The following VRK2 variants were observed in gnomAD, a reference collection of about 807,000 sequenced individuals.
VRK2 encodes serine/threonine-protein kinase VRK2.
A neutral mutation model predicts 57.6 loss-of-function variants in VRK2; 60 were observed. The ratio of observed to expected loss-of-function variants is 1.04; its 90% confidence interval spans 0.85 to 1.29. The LOEUF is 1.29. Ranked by LOEUF, VRK2 falls within the 50% of genes most tolerant of loss-of-function variation. The pLI is 0.00. For synonymous variants in VRK2, 231 were observed against 199.2 expected (o/e 1.16, Z -1.35); for missense variants, 705 against 588.1 (o/e 1.20, Z -2.06).
chr2:58,043,892 T>C (rs1314895517), upstream of VRK2, among the ~76,000 whole-genome samples: 1 of 152,236 alleles, frequency 6.6e-6, no homozygotes, highest in Non-Finnish European at 1.5e-5. Context: ...TTAGTATTTT[T>C]TGAAAAGCAA....
intron 1 of VRK2, among the ~76,000 whole-genome samples, chr2:57,959,700 T>C (rs916851406): frequency 6.6e-6 from 1 of 152,156 alleles, no homozygotes; most frequent in South Asian, 2.1e-4. Context: ...TAATTAACCC[T>C]TGGAAAATAC....
chr2:58,082,943 CAT>C (rs1018110472), intron 2 of VRK2, among the ~76,000 whole-genome samples: 18 of 151,540 alleles, frequency 1.2e-4, no homozygotes, highest in East Asian at 3.9e-4. Context: ...AAATTTGTGA[CAT>C]ATTTATATCT....
chr2:57,916,370 C>A (rs1425025611), intron 1 of VRK2, among the ~76,000 whole-genome samples: 2 of 147,668 alleles, frequency 1.4e-5, no homozygotes, highest in Non-Finnish European at 3.0e-5. Context: ...CGTGCCATTG[C>A]ACTCCAGCCT....
chr2:58,153,385 C>T (rs755861276), intron 12 of VRK2, among the ~76,000 whole-genome samples: 2 of 151,926 alleles, frequency 1.3e-5, no homozygotes, highest in African/African-American at 4.8e-5. Context: ...GAGGAAGCTC[C>T]CCTCCATTTC....
chr2:57,957,152 T>A (rs1049169953), intron 1 of VRK2, among the ~76,000 whole-genome samples: 1 of 152,318 alleles, frequency 6.6e-6, no homozygotes, highest in East Asian at 1.9e-4. Flanking sequence ...GATAGTCTTT[T>A]ATAATTGAAG....
At chr2:58,102,390 G>T (rs914522509) in intron 7 of VRK2, among the ~76,000 whole-genome samples, 2 of 150,414 alleles carry the variant, frequency 1.3e-5, no homozygotes, top group Admixed American at 6.6e-5. Flanking sequence ...ATAGATTGAA[G>T]GCCAAGGGAT....
rs72945378 is a variant in VRK2, at chr2:57,933,840, T to C, written c.-439+26001T>C. 5.2e-3 allele frequency among the ~76,000 whole-genome samples: 787 copies of C among 152,312 alleles called. 13 individuals carry two copies. Among genetic ancestry groups the C allele is most frequent in the African/African-American group, 0.018 (755 of 41,564 alleles). ...TCCTCTCGCTGTCTTCCTTTGTGAT[T>C]TGATAATTTTCTTTAGTGCAATCCT... On this transcript the variant is annotated intron_variant, in intron 1 of 15. Coordinates refer to the VRK2 transcript ENST00000417641.
intron 7 of VRK2, among the ~76,000 whole-genome samples, chr2:58,113,029 G>T (rs1048428435): frequency 6.6e-6 from 1 of 152,140 alleles, no homozygotes; most frequent in Non-Finnish European, 1.5e-5. Flanking sequence ...TGCATTTCTA[G>T]GCCAGGCACA....
At chr2:57,933,470 G>C (rs2717021) in intron 1 of VRK2, among the ~76,000 whole-genome samples, 1 of 150,734 alleles carries the variant, frequency 6.6e-6, no homozygotes, top group African/African-American at 2.4e-5. Flanking sequence ...CTGCCACCAC[G>C]CCCAGCTAAT....
intron 1 of VRK2, among the ~76,000 whole-genome samples, chr2:57,932,595 G>C (rs1414521868): frequency 1.3e-5 from 2 of 151,552 alleles, no homozygotes; most frequent in Admixed American, 1.3e-4. Flanking sequence ...TTTTTACTTA[G>C]TCCAGCTAAA....
At chr2:58,127,123 G>T (rs1035490004) in intron 8 of VRK2, among the ~76,000 whole-genome samples, 10 of 152,000 alleles carry the variant, frequency 6.6e-5, no homozygotes, top group Admixed American at 4.6e-4. Context: ...TAGTATCAAA[G>T]AAATAAATAT....
chr2:57,976,309 T>C (rs1349078394), intron 1 of VRK2, among the ~76,000 whole-genome samples: 3 of 152,126 alleles, frequency 2.0e-5, no homozygotes, highest in Non-Finnish European at 4.4e-5. Flanking sequence ...GGTAGTTCTG[T>C]TTTAAGTTCT....
At chr2:58,040,994 G>T (rs1246770984) in intron 3 of VRK2, 3 of 970,558 alleles carry the variant, frequency 3.1e-6, no homozygotes, top group Non-Finnish European at 3.7e-6. Context: ...TTCAGCTTCT[G>T]CTTAAAAATC....
In VRK2 at chr2:58,091,281, G is replaced by C. The variant is rs567859628; in HGVS notation, c.543+1558G>C. Among the ~76,000 whole-genome samples the C allele has an allele frequency of 5.3e-5, 8 of 152,250 alleles. No individual in the cohort carries two copies. The South Asian group carries it at 1.7e-3, about 32-fold the overall frequency. On this transcript the variant is annotated intron_variant, in intron 7 of 12. Coordinates refer to ENST00000340157, the MANE Select transcript of VRK2 (RefSeq NM_006296.7). ...ATGTGCTACTCTAGTGAGGGATGTT[G>C]ATAGCGGAGAGACTTTGTGTGGGCT...
chr2:58,086,356 C>A lies in VRK2; in HGVS notation c.274C>A (p.Arg92Ser). 1.2e-6 allele frequency: 2 copies of A among 1,603,942 alleles called. No individual in the cohort carries two copies. The highest frequency in any genetic ancestry group is 1.7e-6 in the Non-Finnish European group (2 of 1,176,880). Residue 92 changes from arginine (R) to serine (S), a missense_variant, in exon 5 of 13, where the codon CGC becomes AGC. Arg to Ser is a moderately radical substitution (Grantham distance 110). Transcript: ENST00000340157. ...CTTTGTAGTCAAAAAGTGGATAGAA[C>A]GCAAACAACTTGATTATTTAGGAAT... ...KKDCIKKWIERKQLDYLGIPL... is the reference protein window; with the variant it reads ...KKDCIKKWIESKQLDYLGIPL...
At chr2:57,936,775 A>C (rs1278037608) in intron 1 of VRK2, among the ~76,000 whole-genome samples, 1 of 152,154 alleles carries the variant, frequency 6.6e-6, no homozygotes, top group Non-Finnish European at 1.5e-5. Flanking sequence ...TAAATGATTG[A>C]ATTAATGAAT....
intron 1 of VRK2, among the ~76,000 whole-genome samples, chr2:57,934,598 G>A (rs1670843613): frequency 1.3e-5 from 2 of 152,094 alleles, no homozygotes. Context: ...CATGCACCTA[G>A]GTGTTCATAT....
chr2:57,954,482 T>C (rs1185287942), intron 1 of VRK2, among the ~76,000 whole-genome samples: 1 of 152,152 alleles, frequency 6.6e-6, no homozygotes, highest in African/African-American at 2.4e-5. Flanking sequence ...ACCAGTCTAA[T>C]GTTTTCTTTT....
intron 11 of VRK2, among the ~76,000 whole-genome samples, chr2:58,143,178 G>C (rs776315941): frequency 2.0e-4 from 30 of 151,930 alleles, no homozygotes; most frequent in Admixed American, 4.6e-4. Flanking sequence ...GTGAAATACA[G>C]ATTCTTAATT....
Sources: allele counts gnomAD v4.1 joint callset (sites outside exome capture counted in the v4.1 genomes callset), GRCh38; gene constraint gnomAD v4.1.1; transcripts MANE v1.5; gene names NCBI Gene and HGNC (gene_info 2026-07-23, HGNC 2026-07-21).